CACNB2: variants seen among roughly 807,000 people sequenced by gnomAD.
CACNB2 encodes voltage-dependent L-type calcium channel subunit beta-2.
A neutral mutation model predicts 73.3 loss-of-function variants in CACNB2; 42 were observed. The observed-to-expected ratio is 0.57, with a 90% CI of 0.45 to 0.74. CACNB2 has a LOEUF of 0.74. Ranked by LOEUF, CACNB2 falls within the 30% of genes least tolerant of loss-of-function variation. The pLI is 0.00. For missense variants in CACNB2, 940 were observed against 853.0 expected (o/e 1.10, Z -1.27); for synonymous variants, 348 against 310.3 (o/e 1.12, Z -1.28).
intron 2 of CACNB2, among the ~76,000 whole-genome samples, chr10:18,215,028 T>C (rs535781779): frequency 1.1e-4 from 16 of 152,328 alleles, no homozygotes; most frequent in South Asian, 6.2e-4. Context: ...CTAAAAATCA[T>C]TGGGTCTTAT....
At chr10:18,174,246 T>G in intron 2 of CACNB2, among the ~76,000 whole-genome samples, 1 of 86,366 alleles carries the variant, frequency 1.2e-5, no homozygotes, top group Admixed American at 1.5e-4. Context: ...CCTTCTCCCC[T>G]CCCCTTCCCT....
At chr10:18,173,309 T>A (rs2033376649) in intron 2 of CACNB2, among the ~76,000 whole-genome samples, 1 of 152,240 alleles carries the variant, frequency 6.6e-6, no homozygotes, top group Non-Finnish European at 1.5e-5. Flanking sequence ...TTTAATGGGA[T>A]TCTGACACTT....
chr10:18,280,309 T>C (rs1156491931), intron 2 of CACNB2, among the ~76,000 whole-genome samples: 4 of 152,164 alleles, frequency 2.6e-5, no homozygotes, highest in African/African-American at 9.7e-5. Context: ...GCTTTACATA[T>C]GTTCATGAAA....
chr10:18,245,421 A>G (rs1197996700), intron 2 of CACNB2, among the ~76,000 whole-genome samples: 1 of 152,118 alleles, frequency 6.6e-6, no homozygotes, highest in Non-Finnish European at 1.5e-5. Flanking sequence ...CCCTGGCCCA[A>G]GTGATCCTCC....
At chr10:18,349,503 C>T (rs1393241519) in intron 2 of CACNB2, among the ~76,000 whole-genome samples, 1 of 152,142 alleles carries the variant, frequency 6.6e-6, no homozygotes, top group African/African-American at 2.4e-5. Flanking sequence ...GGACCATTTT[C>T]CATTCCAGCA....
chr10:18,450,272 C>G (rs1282241533), intron 3 of CACNB2, among the ~76,000 whole-genome samples: 1 of 152,072 alleles, frequency 6.6e-6, no homozygotes, highest in African/African-American at 2.4e-5. Flanking sequence ...GAAAACACTA[C>G]CGTTGTATGC....
At chr10:18,505,636 A>C (rs1319241256) in intron 5 of CACNB2, among the ~76,000 whole-genome samples, 1 of 152,206 alleles carries the variant, frequency 6.6e-6, no homozygotes, top group African/African-American at 2.4e-5. Context: ...AGGCAGTGAG[A>C]TCATTTTGCC....
At chr10:18,538,109 C>G (rs905579324) in intron 12 of CACNB2, 71 bp from the exon 13 acceptor site, 32 of 1,474,888 alleles carry the variant, frequency 2.2e-5, no homozygotes, top group Non-Finnish European at 3.0e-5. Flanking sequence ...CCCCTTCCTC[C>G]TCTTATGGAG....
intron 2 of CACNB2, among the ~76,000 whole-genome samples, chr10:18,358,996 T>G (rs556053194): frequency 1.4e-3 from 220 of 152,284 alleles, no homozygotes; most frequent in Non-Finnish European, 1.8e-3. Context: ...CTGGGAAATG[T>G]TATGTCAGCT....
intron 2 of CACNB2, among the ~76,000 whole-genome samples, chr10:18,360,168 G>A (rs898705757): frequency 6.6e-6 from 1 of 152,158 alleles, no homozygotes; most frequent in Non-Finnish European, 1.5e-5. Flanking sequence ...AACAACCTCA[G>A]AAATAGGTGC....
At chr10:18,241,950 T>G (rs1224873492) in intron 2 of CACNB2, among the ~76,000 whole-genome samples, 4 of 152,046 alleles carry the variant, frequency 2.6e-5, no homozygotes, top group Admixed American at 2.6e-4. Context: ...AACAAAATAT[T>G]CAAATAACAA....
At chr10:18,326,300 A>G (rs2040588350) in intron 2 of CACNB2, among the ~76,000 whole-genome samples, 1 of 152,262 alleles carries the variant, frequency 6.6e-6, no homozygotes, top group Non-Finnish European at 1.5e-5. Flanking sequence ...GATGTAAGGC[A>G]TTCCTCCAGT....
intron 3 of CACNB2, among the ~76,000 whole-genome samples, chr10:18,409,887 A>G (rs552910079): frequency 6.0e-4 from 92 of 152,174 alleles, no homozygotes; most frequent in African/African-American, 2.0e-3. Context: ...TAATCCTCCT[A>G]TGTTCAGTAT....
intron 3 of CACNB2, among the ~76,000 whole-genome samples, chr10:18,459,685 G>A (rs904271314): frequency 6.6e-6 from 1 of 152,050 alleles, no homozygotes; most frequent in African/African-American, 2.4e-5. Context: ...AGTTATTTGG[G>A]CAGTTCTTAC....
chr10:18,183,624 C>G (rs2034000365), intron 2 of CACNB2, among the ~76,000 whole-genome samples: 1 of 152,130 alleles, frequency 6.6e-6, no homozygotes, highest in Non-Finnish European at 1.5e-5. Flanking sequence ...GTCATGAGAA[C>G]AGCATGGGAA....
At chr10:18,375,283 T>C (rs2042749336) in intron 2 of CACNB2, among the ~76,000 whole-genome samples, 1 of 152,160 alleles carries the variant, frequency 6.6e-6, no homozygotes, top group Non-Finnish European at 1.5e-5. Flanking sequence ...CTATGACTTC[T>C]CCCTCCCAAT....
chr10:18,419,782 A>G (rs2045217825), intron 3 of CACNB2, among the ~76,000 whole-genome samples: 1 of 152,222 alleles, frequency 6.6e-6, no homozygotes, highest in African/African-American at 2.4e-5. Context: ...ATGCTGGCTT[A>G]TATGGGTTAT....
chr10:18,473,211 T>TTAACGTA (rs2132768839), intron 3 of CACNB2, among the ~76,000 whole-genome samples: 1 of 152,288 alleles, frequency 6.6e-6, no homozygotes, highest in East Asian at 1.9e-4. Context: ...CGCTCGCCTG[T>TTAACGTA]TAACGTATCA....
chr10:18,421,940 TTAGTC>T (rs2045348239), intron 3 of CACNB2, among the ~76,000 whole-genome samples: 1 of 152,202 alleles, frequency 6.6e-6, no homozygotes, highest in Non-Finnish European at 1.5e-5. Context: ...GCTGTAGTGT[TTAGTC>T]TAGTGTCGAA....
Sources: allele counts gnomAD v4.1 joint callset (sites outside exome capture counted in the v4.1 genomes callset), GRCh38; gene constraint gnomAD v4.1.1; transcripts MANE v1.5; gene names NCBI Gene and HGNC (gene_info 2026-07-23, HGNC 2026-07-21).